DNAH11: variants seen among roughly 807,000 people sequenced by gnomAD.
DNAH11 encodes dynein axonemal heavy chain 11, also known as axonemal beta dynein heavy chain 11.
Under a neutral mutation model 526.0 loss-of-function variants are expected in DNAH11, and 442 were observed. The observed-to-expected ratio is 0.84, with a 90% CI of 0.78 to 0.91. The LOEUF (loss-of-function observed/expected upper bound fraction) is 0.91, where lower values mean the gene tolerates loss of function less well. DNAH11 is among the 40% of genes least tolerant of loss of function. DNAH11 has a pLI of 0.00. For missense variants in DNAH11, 6,989 were observed against 5,448.7 expected (o/e 1.28, Z -8.90); for synonymous variants, 2,461 against 1,935.9 (o/e 1.27, Z -7.12).
Position 21,846,795 on chromosome 7 carries a change from C to G in DNAH11, c.10896+4047C>G, listed in dbSNP as rs192642779. Among the ~76,000 whole-genome samples, 8 of 152,202 alleles carry G rather than the reference C, an allele frequency of 5.3e-5. No individual in the cohort carries two copies. The South Asian group carries it at 1.7e-3, about 32-fold the overall frequency. On this transcript the variant is annotated intron_variant, in intron 66 of 81. Coordinates refer to ENST00000409508, the MANE Select transcript of DNAH11 (RefSeq NM_001277115.2). ...AATGTAGAGAATTGATACTATTTCT[C>G]CCTTAACTCTTTTCTTCCAGTGAAA...
chr7:21,625,996 A>T (rs1231422693), intron 25 of DNAH11, among the ~76,000 whole-genome samples: 1 of 152,158 alleles, frequency 6.6e-6, no homozygotes, highest in Non-Finnish European at 1.5e-5. Context: ...TAATATATGC[A>T]TATAAAATGT....
chr7:21,786,715 G>C lies in DNAH11; in HGVS notation c.9689G>C (p.Gly3230Ala). Reference protein sequence around the residue: ...AAVMVLLAPRGRVPKDRSWKA... With the variant: ...AAVMVLLAPRARVPKDRSWKA... ...GTGATGGTCCTTCTGGCTCCTCGGG[G>C]AAGAGTGCCCAAAGACCGAAGTTGG... is the stretch of plus-strand genomic sequence containing the variant. The change falls in exon 59 of 82, where the codon GGA becomes GCA. Residue 3230 changes from glycine to alanine, a missense_variant. Coordinates refer to ENST00000409508, the MANE Select transcript of DNAH11 (RefSeq NM_001277115.2). The C allele has an allele frequency of 6.2e-7, 1 of 1,613,896 alleles. No homozygotes were observed. Among genetic ancestry groups the C allele is most frequent in the Non-Finnish European group, 8.5e-7 (1 of 1,179,788 alleles).
In DNAH11 at chr7:21,822,238, C is replaced by G. The variant is rs191079179; in HGVS notation, c.10691+3899C>G. On this transcript the variant is annotated intron_variant, in intron 65 of 81. Coordinates refer to ENST00000409508, the MANE Select transcript of DNAH11 (RefSeq NM_001277115.2). ...AGAAGCACAGTGCCAGCATCTGCTT[C>G]TGGTGAAGCCTCAGGAGGCTCACAA... is the stretch of plus-strand genomic sequence containing the variant. Among the ~76,000 whole-genome samples the G allele has an allele frequency of 3.4e-4, 51 of 152,226 alleles. 1 individual carries two copies. In the East Asian group the frequency reaches 8.7e-3, roughly 26 times the overall value.
At chr7:21,809,006 C>G (rs1261916445) in intron 63 of DNAH11, among the ~76,000 whole-genome samples, 1 of 152,174 alleles carries the variant, frequency 6.6e-6, no homozygotes, top group African/African-American at 2.4e-5. Flanking sequence ...CAGCAGTATA[C>G]AAGCTTTCCC....
chr7:21,585,994 G>A (rs978477021), intron 9 of DNAH11, among the ~76,000 whole-genome samples: 1 of 152,188 alleles, frequency 6.6e-6, no homozygotes, highest in African/African-American at 2.4e-5. Context: ...GCAAGAGGTT[G>A]AAATGACCTT....
At chr7:21,598,626 T>TAAA (rs1784956185) in intron 14 of DNAH11, among the ~76,000 whole-genome samples, 3 of 149,116 alleles carry the variant, frequency 2.0e-5, no homozygotes, top group African/African-American at 5.0e-5. Flanking sequence ...AATAAATAAA[T>TAAA]TGTGCTTAAA....
At chr7:21,779,215 A>C in intron 57 of DNAH11, 111 bp downstream of exon 57, 1 of 1,324,132 alleles carries the variant, frequency 7.6e-7, no homozygotes, top group Non-Finnish European at 1.0e-6. Context: ...AAGTCTAAAG[A>C]ATTATTATAG....
At chr7:21,655,067 TC>T (rs139307182) in intron 28 of DNAH11, among the ~76,000 whole-genome samples, 8 of 150,960 alleles carry the variant, frequency 5.3e-5, no homozygotes, top group East Asian at 2.0e-4. Flanking sequence ...TTGTTGGTTT[TC>T]CCCCCCCACC....
intron 9 of DNAH11, among the ~76,000 whole-genome samples, chr7:21,584,800 C>G (rs1279564731): frequency 6.6e-6 from 1 of 151,998 alleles, no homozygotes; most frequent in African/African-American, 2.4e-5. Flanking sequence ...TATTTTAATC[C>G]TCTACTGTAA....
At chr7:21,647,197 T>G (rs1399729052) in intron 28 of DNAH11, among the ~76,000 whole-genome samples, 2 of 152,186 alleles carry the variant, frequency 1.3e-5, no homozygotes, top group East Asian at 3.9e-4. Flanking sequence ...TCCAAATTGA[T>G]GAAAAGTACA....
chr7:21,767,822 C>T (rs1787244623), intron 55 of DNAH11, among the ~76,000 whole-genome samples: 1 of 152,100 alleles, frequency 6.6e-6, no homozygotes, highest in Non-Finnish European at 1.5e-5. Flanking sequence ...TGATCACTTT[C>T]TTAGTTTTAA....
At chr7:21,827,019 A>C (rs1012198962) in intron 65 of DNAH11, among the ~76,000 whole-genome samples, 1 of 152,202 alleles carries the variant, frequency 6.6e-6, no homozygotes, top group African/African-American at 2.4e-5. Context: ...ATGAATACTA[A>C]TTACTCCTTT....
At chr7:21,634,987 T>A (rs1286256180) in intron 25 of DNAH11, among the ~76,000 whole-genome samples, 1 of 152,120 alleles carries the variant, frequency 6.6e-6, no homozygotes, top group Non-Finnish European at 1.5e-5. Context: ...AAAACCACAT[T>A]AATTATAGCA....
intron 36 of DNAH11, among the ~76,000 whole-genome samples, chr7:21,702,068 G>T (rs1583607966): frequency 6.6e-6 from 1 of 152,276 alleles, no homozygotes; most frequent in East Asian, 1.9e-4. Context: ...AAGAAAAAAT[G>T]TAATTGGTCC....
chr7:21,638,920 A>G lies in DNAH11; in HGVS notation c.4818-19A>G, dbSNP rs776548085. 1.9e-6 allele frequency: 3 copies of G among 1,593,860 alleles called. No homozygotes were observed. The highest frequency in any genetic ancestry group is 1.4e-5 in the African/African-American group (1 of 73,560). Reference sequence around the variant, plus strand: ...CTGAAGGGACAAGATATGCTTAAAAACATTTTTCATTCATGTAGGCTTTCT... The same window carrying G: ...CTGAAGGGACAAGATATGCTTAAAAGCATTTTTCATTCATGTAGGCTTTCT... On this transcript the variant is annotated intron_variant, in intron 27 of 81. Transcript: ENST00000409508.
At position 21,842,470 on chromosome 7, in the gene DNAH11, G is replaced by A. The variant is rs142444969; in HGVS notation, c.10692-74G>A. 1.5e-3 allele frequency: 1,941 copies of A among 1,268,850 alleles called. 2 individuals are homozygous for A. The highest frequency in any genetic ancestry group is 1.9e-3 in the Non-Finnish European group (1,727 of 922,598). 78.6% of individuals were successfully genotyped at this position (1,268,850 alleles called of 1,614,324 possible). On this transcript the variant is annotated intron_variant, in intron 65 of 81. Coordinates refer to ENST00000409508, the MANE Select transcript of DNAH11 (RefSeq NM_001277115.2). ...GGCCAAGGTCCATTATAAGAATACA[G>A]GAATGGAATGACACCGTAGTATCAG...
chr7:21,596,940 G>A (rs186266206), intron 14 of DNAH11, among the ~76,000 whole-genome samples: 5 of 152,298 alleles, frequency 3.3e-5, no homozygotes, highest in African/African-American at 7.2e-5. Flanking sequence ...GACTTAGCAC[G>A]TGATGTTGAA....
At chr7:21,696,100 G>T (rs1783838661) in intron 35 of DNAH11, among the ~76,000 whole-genome samples, 2 of 152,042 alleles carry the variant, frequency 1.3e-5, no homozygotes, top group African/African-American at 2.4e-5. Context: ...TTTATTTAGG[G>T]TGCTCAATAT....
At chr7:21,872,678 G>A (rs1424149768) in intron 73 of DNAH11, among the ~76,000 whole-genome samples, 1 of 152,168 alleles carries the variant, frequency 6.6e-6, no homozygotes, top group Non-Finnish European at 1.5e-5. Flanking sequence ...AATTTTTTGT[G>A]TGTGATTTTC....
Sources: gnomAD v4.1 joint callset for allele counts (sites outside exome capture counted in the v4.1 genomes callset) on GRCh38, gnomAD v4.1.1 for gene constraint, MANE v1.5 for transcripts, NCBI Gene and HGNC (gene_info 2026-07-23, HGNC 2026-07-21) for gene names.